Variants in SCAI observed in about 807,000 individuals in gnomAD.
The protein encoded by SCAI is suppressor of cancer cell invasion, also known as protein SCAI.
SCAI carries 24 observed loss-of-function variants against 92.2 expected under a neutral mutation model. The ratio of observed to expected loss-of-function variants is 0.26; its 90% confidence interval spans 0.19 to 0.37. The LOEUF (loss-of-function observed/expected upper bound fraction) is 0.37. SCAI is among the 10% of genes least tolerant of loss of function. The probability of loss-of-function intolerance (pLI) is 1.00; values close to 1 mark genes in which losing one functional copy is unlikely to be tolerated. For missense variants in SCAI, 450 were observed against 736.2 expected, an observed-to-expected ratio of 0.61 and a Z score of 4.50; for synonymous variants, 261 against 258.6, an observed-to-expected ratio of 1.01 and a Z score of -0.09.
intron 9 of SCAI, among the ~76,000 whole-genome samples, chr9:125,012,574 A>G (rs1202723860): frequency 6.6e-6 from 1 of 152,176 alleles, no homozygotes; most frequent in African/African-American, 2.4e-5. Context: ...CCACACAATA[A>G]TAATGGGTGA....
intron 2 of SCAI, among the ~76,000 whole-genome samples, chr9:125,071,828 T>C (rs999922562): frequency 1.3e-5 from 2 of 152,326 alleles, no homozygotes; most frequent in African/African-American, 4.8e-5. Flanking sequence ...CTTGCTGTAT[T>C]CTGCATTTTC....
At chr9:125,008,737 G>A (rs1370547325) in intron 9 of SCAI, among the ~76,000 whole-genome samples, 2 of 152,142 alleles carry the variant, frequency 1.3e-5, no homozygotes, top group Non-Finnish European at 2.9e-5. Context: ...CTACAAACAT[G>A]TAACTGAGTC....
intron 2 of SCAI, among the ~76,000 whole-genome samples, chr9:125,063,591 G>T (rs573808162): frequency 6.6e-6 from 1 of 152,054 alleles, no homozygotes; most frequent in South Asian, 2.1e-4. Flanking sequence ...GTAAGTCAAA[G>T]TATGGAAAAT....
chr9:125,103,402 C>G (rs1179205162), intron 2 of SCAI, among the ~76,000 whole-genome samples: 1 of 152,008 alleles, frequency 6.6e-6, no homozygotes, highest in Non-Finnish European at 1.5e-5. Context: ...ATCCTGAGCT[C>G]CAAATTAAGA....
At chr9:125,109,544 A>G (rs1834889629) in intron 2 of SCAI, among the ~76,000 whole-genome samples, 1 of 152,174 alleles carries the variant, frequency 6.6e-6, no homozygotes, top group Non-Finnish European at 1.5e-5. Context: ...TACATACCCT[A>G]ACATATCTTT....
intron 9 of SCAI, among the ~76,000 whole-genome samples, chr9:125,016,303 G>A (rs1047579875): frequency 3.3e-5 from 5 of 150,488 alleles, no homozygotes; most frequent in Non-Finnish European, 5.9e-5. Context: ...CAGGAGAATC[G>A]CTTGAACCTG....
In SCAI at chr9:125,037,635, C is replaced by T. The variant is rs147907477; in HGVS notation, c.231-7896G>A. 7.1e-4 allele frequency among the ~76,000 whole-genome samples: 108 copies of T among 152,240 alleles called. 2 individuals carry two copies. The East Asian group carries it at 0.02, about 29-fold the overall frequency. On this transcript the variant is annotated intron_variant, in intron 3 of 17. Transcript: ENST00000336505. The stretch of plus-strand genomic sequence containing the variant: ...AGGGTTTTATAGAAGAATTTCTTGG[C>T]CGGGTACAGTGGCTCAAGCCTGTAA...
intron 6 of SCAI, among the ~76,000 whole-genome samples, chr9:125,021,563 T>C (rs768919968): frequency 6.6e-6 from 1 of 152,240 alleles, no homozygotes; most frequent in Admixed American, 6.5e-5. Context: ...CAATATATTT[T>C]ATCTGTTCAC....
intron 2 of SCAI, among the ~76,000 whole-genome samples, chr9:125,066,631 A>G (rs1318151538): frequency 6.6e-6 from 1 of 151,748 alleles, no homozygotes; most frequent in Non-Finnish European, 1.5e-5. Context: ...AATTTTTTGT[A>G]TTTTTAGTAG....
At chr9:125,117,693 T>C (rs10986570) in intron 2 of SCAI, among the ~76,000 whole-genome samples, 1,981 of 147,368 alleles carry the variant, frequency 0.013, 94 homozygotes, top group Admixed American at 0.073. Flanking sequence ...AAAAAAAGCT[T>C]GAGGAACTTT....
chr9:124,965,050 G>A (rs1455142521), intron 17 of SCAI, among the ~76,000 whole-genome samples: 1 of 148,912 alleles, frequency 6.7e-6, no homozygotes, highest in African/African-American at 2.5e-5. Flanking sequence ...CTTGTCTGCT[G>A]CCTCTTGGTT....
At chr9:125,109,440 A>T (rs1381229946) in intron 2 of SCAI, among the ~76,000 whole-genome samples, 1 of 152,108 alleles carries the variant, frequency 6.6e-6, no homozygotes, top group East Asian at 1.9e-4. Flanking sequence ...TTAAAGTGCC[A>T]TGTATTTAAT....
At position 125,019,184 on chromosome 9, in the gene SCAI, C is replaced by G. The variant is rs1355532452; in HGVS notation, c.631G>C (p.Asp211His). The change falls in exon 8 of 18, where the codon GAT becomes CAT. Residue 211 changes from aspartate (D) to histidine (H), a missense_variant. By Grantham distance (81) the Asp-to-His change is moderately conservative (BLOSUM62 -1). This residue lies in a region of SCAI where 360 missense variants were observed against 601.8 expected (regional missense o/e 0.60). Transcript: ENST00000336505. Reference protein sequence around the residue: ...LVKELSDEIEDYTHRFNTEDQ... With the variant: ...LVKELSDEIEHYTHRFNTEDQ... ...TCAGTATTAAATCGGTGAGTATAAT[C>G]TTCAATTTCATCTGACAATTCCTGA... 1.9e-6 allele frequency: 3 copies of G among 1,580,638 alleles called. No individual in the cohort carries two copies. Among genetic ancestry groups the G allele is most frequent in the Non-Finnish European group, 2.6e-6 (3 of 1,164,170 alleles).
chr9:124,959,523 CAT>C (rs1288996904), intron 17 of SCAI, among the ~76,000 whole-genome samples: 1 of 144,928 alleles, frequency 6.9e-6, no homozygotes, highest in Non-Finnish European at 1.5e-5. Flanking sequence ...TATATACACA[CAT>C]ATATATACAC....
At position 124,970,033 on chromosome 9, in the gene SCAI, T is replaced by C. The variant is rs574646669; in HGVS notation, c.1674+1337A>G. 9.9e-5 allele frequency among the ~76,000 whole-genome samples: 15 copies of C among 152,220 alleles called. No homozygotes were observed. The South Asian group carries it at 3.1e-3, about 32-fold the overall frequency. ...CATGTCTGGCTAATTTTTGTATTTT[T>C]AGTAGAGACAGGATTTCATCATGTT... On this transcript the variant is annotated intron_variant, in intron 17 of 17. Transcript: ENST00000336505.
Position 125,143,515 on chromosome 9 carries a change from G to A in SCAI, c.-78C>T, listed in dbSNP as rs983819521. On this transcript the variant is annotated 5_prime_UTR_variant, in exon 1 of 18. Coordinates refer to ENST00000336505, the MANE Select transcript of SCAI (RefSeq NM_001144877.3). The stretch of plus-strand genomic sequence containing the variant: ...GGAAGCTGAGGCGGCGGAGGCTGGA[G>A]TAGGCGGAGAGGCGGGAGGAGGGCC... The A allele has an allele frequency of 1.1e-5, 14 of 1,242,374 alleles. No individual in the cohort carries two copies. Among genetic ancestry groups the A allele is most frequent in the Admixed American group, 4.2e-5 (1 of 24,088 alleles). The allele number at this position is 1,242,374 out of a possible 1,614,324, so 77.0% of individuals were successfully genotyped here.
chr9:124,975,362 T>C, intron 15 of SCAI: 1 of 456,650 alleles, frequency 2.2e-6, no homozygotes, highest in Non-Finnish European at 4.4e-6. Flanking sequence ...AGCAGTAAAA[T>C]GCCATCTCCC....
At chr9:125,036,839 A>G (rs1330832510) in intron 3 of SCAI, among the ~76,000 whole-genome samples, 2 of 152,260 alleles carry the variant, frequency 1.3e-5, no homozygotes, top group Non-Finnish European at 2.9e-5. Flanking sequence ...AGAAAAAAGT[A>G]GCCGGGCATG....
At chr9:125,001,576 C>T (rs528324712) in intron 12 of SCAI, among the ~76,000 whole-genome samples, 211 of 152,280 alleles carry the variant, frequency 1.4e-3, no homozygotes, top group African/African-American at 4.9e-3. Flanking sequence ...TGACCGGATT[C>T]CCCAATGCAC....
Sources: allele counts gnomAD v4.1 joint callset (sites outside exome capture counted in the v4.1 genomes callset), GRCh38; gene constraint gnomAD v4.1.1; regional missense constraint gnomAD v4.1.1; transcripts MANE v1.5; gene names NCBI Gene and HGNC (gene_info 2026-07-23, HGNC 2026-07-21).